Variants in CLCF1 observed in about 807,000 individuals in gnomAD.
CLCF1 encodes cardiotrophin like cytokine factor 1.
CLCF1 carries 10 observed loss-of-function variants against 21.2 expected under a neutral mutation model. That is an observed-to-expected ratio of 0.47 (90% CI 0.29 to 0.80). The LOEUF is 0.80. Ranked by LOEUF, CLCF1 falls within the 30% of genes least tolerant of loss-of-function variation. CLCF1 has a pLI of 0.09. For synonymous variants in CLCF1, 115 were observed against 120.5 expected, an observed-to-expected ratio of 0.95 and a Z score of 0.30; for missense variants, 240 against 293.4, an observed-to-expected ratio of 0.82 and a Z score of 1.33.
chr11:67,366,323 C>G (rs536305737), intron 2 of CLCF1, among the ~76,000 whole-genome samples: 1 of 152,064 alleles, frequency 6.6e-6, no homozygotes, highest in Non-Finnish European at 1.5e-5. Context: ...GTTTTCTGCA[C>G]AAGGAACAAG....
chr11:67,367,528 A>AG lies in CLCF1; in HGVS notation c.114dup (p.Ser39LeufsTer7). 2 of 1,614,164 alleles carry AG rather than the reference A, an allele frequency of 1.2e-6. No individual in the cohort carries two copies. Among genetic ancestry groups the AG allele is most frequent in the Non-Finnish European group, 8.5e-7 (1 of 1,180,018 alleles). Reference sequence around the variant, plus strand: ...GTGAGGTCATAGGTTTTCTGGATGGAGGGGCCAGGCCCTGGGTCCCCTGTG... The same window carrying AG: ...GTGAGGTCATAGGTTTTCTGGATGGAGGGGGCCAGGCCCTGGGTCCCCTGTG... On this transcript the variant is annotated frameshift_variant, in exon 2 of 3. Coordinates refer to ENST00000312438, the MANE Select transcript of CLCF1 (RefSeq NM_013246.3). LOFTEE classifies it high-confidence loss of function.
At chr11:67,367,719 C>G in intron 1 of CLCF1, 93 bp from the exon 2 acceptor site, 5 of 1,513,808 alleles carry the variant, frequency 3.3e-6, no homozygotes, top group Non-Finnish European at 3.5e-6. Context: ...CCACCTTGGG[C>G]TGGGTGGGGG....
In CLCF1 at chr11:67,372,751, T is replaced by C. The variant is rs1033321614; in HGVS notation, c.16+773A>G. On this transcript the variant is annotated intron_variant, in intron 1 of 2. Transcript: ENST00000312438. The surrounding 1 kb of genome is among the most constrained non-coding windows in gnomAD (Gnocchi z 5.9). The stretch of plus-strand genomic sequence containing the variant: ...GCTGCTCCCGCCGCTCCCTGGCCAG[T>C]GACAGACTTTTTCCTGCCGGGTCCG... Among the ~76,000 whole-genome samples, 3 of 149,464 alleles carry C rather than the reference T, an allele frequency of 2.0e-5. No individual in the cohort carries two copies. Among genetic ancestry groups the C allele is most frequent in the African/African-American group, 4.9e-5 (2 of 40,836 alleles).
intron 1 of CLCF1, chr11:67,368,427 G>T: frequency 1.0e-6 from 1 of 985,320 alleles, no homozygotes; most frequent in South Asian, 4.7e-5. Flanking sequence ...TTGACGAGTC[G>T]GGCTTGTTGG....
chr11:67,366,080 C>A (rs1272417913), intron 2 of CLCF1, among the ~76,000 whole-genome samples: 1 of 152,160 alleles, frequency 6.6e-6, no homozygotes, highest in Non-Finnish European at 1.5e-5. Flanking sequence ...GCAAAACAGA[C>A]AGCAAGGAGA....
intron 1 of CLCF1, among the ~76,000 whole-genome samples, chr11:67,373,062 G>T (rs937725002): frequency 3.3e-5 from 5 of 150,432 alleles, no homozygotes; most frequent in African/African-American, 4.9e-5. Context: ...GGGCCGGGGA[G>T]GGAGAGCGGC....
intron 1 of CLCF1, chr11:67,370,667 C>G (rs577794670): frequency 1.0e-6 from 1 of 985,258 alleles, no homozygotes; most frequent in Non-Finnish European, 1.2e-6. Flanking sequence ...GACTGGCCAC[C>G]CAGACAGCTG....
Position 67,372,806 on chromosome 11 carries a change from A to G in CLCF1, c.16+718T>C, listed in dbSNP as rs1257164915. ...GGCTGCGCCAGCCCCCCGCCAAACA[A>G]TAATCACTCCCAGGCCACGGTGGCC... On this transcript the variant is annotated intron_variant, in intron 1 of 2. Coordinates refer to ENST00000312438, the MANE Select transcript of CLCF1 (RefSeq NM_013246.3). This position sits in a 1 kb window ranked among gnomAD's most constrained non-coding sequence, Gnocchi z 5.9. Among the ~76,000 whole-genome samples the G allele has an allele frequency of 6.7e-6, 1 of 149,170 alleles. No homozygotes were observed. The highest frequency in any genetic ancestry group is 6.6e-5 in the Admixed American group (1 of 15,104).
intron 1 of CLCF1, chr11:67,370,653 A>C: frequency 1.0e-6 from 1 of 983,454 alleles, no homozygotes; most frequent in African/African-American, 1.8e-5. Context: ...TAGCCCAAGG[A>C]AGTGACTGGC....
chr11:67,364,752 A>G lies in CLCF1; in HGVS notation c.*384T>C, dbSNP rs1196720702. 8.1e-6 allele frequency: 2 copies of G among 245,958 alleles called. No homozygotes were observed. The highest frequency in any genetic ancestry group is 1.6e-5 in the Non-Finnish European group (2 of 124,206). 15.2% of individuals were successfully genotyped at this position (245,958 alleles called of 1,614,324 possible). On this transcript the variant is annotated 3_prime_UTR_variant, in exon 3 of 3. Transcript: ENST00000312438. ...GCAGCCAAAGGGCTTCACCCCAGAA[A>G]GGCATGTGTGGTGGTGGCCCCTCAA...
At position 67,368,910 on chromosome 11, in the gene CLCF1, TCC is replaced by T. The variant is rs745386179; in HGVS notation, c.17-1286_17-1285del. 4.2e-4 allele frequency: 369 copies of T among 872,030 alleles called. 1 individual carries two copies. The highest frequency in any genetic ancestry group is 3.3e-3 in the East Asian group (20 of 6,152). The allele number at this position is 872,030 out of a possible 1,614,324, so 54.0% of individuals were successfully genotyped here. Reference sequence around the variant, plus strand: ...TTTCTTTCCTATAGTTCTTTTTTTTTCCTTTTTTTTTTTTTTTTTTGCTGCCA... The same window carrying T: ...TTTCTTTCCTATAGTTCTTTTTTTTTTTTTTTTTTTTTTTTTTTGCTGCCA... On this transcript the variant is annotated intron_variant, in intron 1 of 2. Transcript: ENST00000312438.
intron 1 of CLCF1, chr11:67,368,107 C>T (rs1862155138): frequency 4.1e-6 from 4 of 985,352 alleles, no homozygotes; most frequent in Non-Finnish European, 4.8e-6. Context: ...ACAGTCAGCC[C>T]TAAGGGAGGA....
chr11:67,373,764 C>T (rs1393915624), upstream of CLCF1: 3 of 1,132,012 alleles, frequency 2.7e-6, no homozygotes, highest in Admixed American at 4.8e-5. Context: ...ATTGTAGCGG[C>T]CCTCCCCGGG....
At chr11:67,373,328 C>T (rs1455916239) in intron 1 of CLCF1, among the ~76,000 whole-genome samples, 196 bp downstream of exon 1, 1 of 151,986 alleles carries the variant, frequency 6.6e-6, no homozygotes, top group Non-Finnish European at 1.5e-5. Flanking sequence ...CTCCTGGCCC[C>T]GCCGTGCGGA....
chr11:67,373,754 A>T, upstream of CLCF1: 1 of 953,666 alleles, frequency 1.0e-6, no homozygotes, highest in Non-Finnish European at 1.3e-6. Context: ...GTAACCACAA[A>T]TTGTAGCGGC....
At chr11:67,368,302 C>T (rs554082399) in intron 1 of CLCF1, 10 of 985,216 alleles carry the variant, frequency 1.0e-5, no homozygotes, top group Non-Finnish European at 1.2e-5. Context: ...TCTCAGGGAA[C>T]GGTGGCAGTG....
At chr11:67,371,003 G>A (rs920515542) in intron 1 of CLCF1, 22 of 985,398 alleles carry the variant, frequency 2.2e-5, no homozygotes, top group South Asian at 1.9e-4. Context: ...CGCTGGCTGC[G>A]GTTGGAGGGG....
At chr11:67,367,023 C>T (rs1328034815) in intron 2 of CLCF1, among the ~76,000 whole-genome samples, 7 of 152,140 alleles carry the variant, frequency 4.6e-5, no homozygotes, top group Non-Finnish European at 1.0e-4. Flanking sequence ...GAGAGGCAGA[C>T]GGAAGGGAGG....
rs970559819 is a variant in CLCF1, at chr11:67,365,078, G to A, written c.*58C>T. 1 of 1,609,576 alleles carries A rather than the reference G, an allele frequency of 6.2e-7. No homozygotes were observed. The highest frequency in any genetic ancestry group is 8.5e-7 in the Non-Finnish European group (1 of 1,179,622). ...TCAACAGGTGTTGGCATACAGGGCT[G>A]GCTCTCACAAAGTGGGAGCAGGGTT... On this transcript the variant is annotated 3_prime_UTR_variant, in exon 3 of 3. Transcript: ENST00000312438. The surrounding 1 kb of genome is among the most constrained non-coding windows in gnomAD (Gnocchi z 5.0).
Sources: allele counts gnomAD v4.1 joint callset (sites outside exome capture counted in the v4.1 genomes callset), GRCh38; gene constraint gnomAD v4.1.1; non-coding constraint Gnocchi (gnomAD v3.1); transcripts MANE v1.5; gene names NCBI Gene and HGNC (gene_info 2026-07-23, HGNC 2026-07-21).